The following GNG7 variants were observed in gnomAD, a reference collection of about 807,000 sequenced individuals.
GNG7 encodes the protein guanine nucleotide-binding protein G(I)/G(S)/G(O) subunit gamma-7.
Under a neutral mutation model 4.0 loss-of-function variants are expected in GNG7, and 1 was observed. The ratio of observed to expected loss-of-function variants is 0.25; its 90% CI spans 0.09 to 1.18. The LOEUF is 1.18. GNG7 is among the 50% of genes most tolerant of loss of function. The pLI is 0.50. For synonymous variants in GNG7, 34 were observed against 36.9 expected (o/e 0.92, Z 0.29); for missense variants, 86 against 91.9 (o/e 0.94, Z 0.26).
chr19:2,661,324 G>GAA (rs1983167141), intron 1 of GNG7, among the ~76,000 whole-genome samples: 5 of 139,760 alleles, frequency 3.6e-5, no homozygotes, highest in African/African-American at 8.4e-5. Flanking sequence ...AAGAAAGAAA[G>GAA]AAAGAAAGAA....
At chr19:2,603,538 G>C (rs553210403) in intron 2 of GNG7, among the ~76,000 whole-genome samples, 1 of 152,342 alleles carries the variant, frequency 6.6e-6, no homozygotes, top group South Asian at 2.1e-4. Flanking sequence ...CCATCCCCGA[G>C]GGTTCAGAAA....
chr19:2,600,134 C>T (rs1052560234), intron 2 of GNG7, among the ~76,000 whole-genome samples: 12 of 151,192 alleles, frequency 7.9e-5, no homozygotes, highest in African/African-American at 2.7e-4. Flanking sequence ...GGCCCTTAAA[C>T]AGCTTGTGTT....
chr19:2,568,304 CACAT>C (rs905168434), intron 2 of GNG7, among the ~76,000 whole-genome samples: 2 of 150,674 alleles, frequency 1.3e-5, no homozygotes, highest in East Asian at 2.0e-4. Context: ...CACACGCACA[CACAT>C]ACACACGCAC....
rs1027846006 is a variant in GNG7 at position 2,618,347 on chromosome 19, G to A, written c.-78+27877C>T. Reference sequence around the variant, plus strand: ...TTTTCTACCTGTATGTGTGTGGTGTGTGTGTGTGTGTGTGTGTGTGTGTGT... The same window carrying A: ...TTTTCTACCTGTATGTGTGTGGTGTATGTGTGTGTGTGTGTGTGTGTGTGT... On this transcript the variant is annotated intron_variant, in intron 2 of 4. Coordinates refer to ENST00000382159, the MANE Select transcript of GNG7 (RefSeq NM_052847.3). The surrounding 1 kb of genome is among the most constrained non-coding windows in gnomAD (Gnocchi z 5.1). Among the ~76,000 whole-genome samples the A allele has an allele frequency of 1.5e-4, 21 of 140,084 alleles. No homozygotes were observed. The highest frequency in any genetic ancestry group is 2.7e-4 in the Non-Finnish European group (18 of 67,304). The allele number at this position is 140,084 out of a possible 152,430, so 91.9% of individuals were successfully genotyped here. A position where few individuals can be genotyped will look rare whatever the true frequency, so the allele number is the denominator to read the frequency against.
intron 2 of GNG7, among the ~76,000 whole-genome samples, chr19:2,639,205 G>T (rs1210910199): frequency 6.6e-6 from 1 of 150,876 alleles, no homozygotes; most frequent in East Asian, 1.9e-4. Context: ...CTGCACTCCA[G>T]CCTGGACAAC....
intron 4 of GNG7, among the ~76,000 whole-genome samples, chr19:2,518,457 C>A (rs1978293183): frequency 6.6e-6 from 1 of 152,204 alleles, no homozygotes. Flanking sequence ...AACATTCAGA[C>A]ACCTCGTGGG....
chr19:2,538,039 T>C, intron 3 of GNG7: 1 of 426,996 alleles, frequency 2.3e-6, no homozygotes, highest in Non-Finnish European at 4.7e-6. Context: ...ATTGCGCCAC[T>C]GCCCTCCAGC....
At chr19:2,605,067 C>A (rs559452029) in intron 2 of GNG7, among the ~76,000 whole-genome samples, 6 of 152,290 alleles carry the variant, frequency 3.9e-5, no homozygotes, top group Non-Finnish European at 7.4e-5. Context: ...TCTGGAGGCT[C>A]CAGGGGAGGA....
chr19:2,625,003 G>C (rs1361399259), intron 2 of GNG7, among the ~76,000 whole-genome samples: 1 of 152,228 alleles, frequency 6.6e-6, no homozygotes, highest in African/African-American at 2.4e-5. Context: ...GTGGACGCCT[G>C]TGGTTTACCT....
At chr19:2,639,644 T>C (rs1337266579) in intron 2 of GNG7, among the ~76,000 whole-genome samples, 1 of 8,846 alleles carries the variant, frequency 1.1e-4, no homozygotes, top group African/African-American at 3.8e-3. Flanking sequence ...AACTTAAACC[T>C]CAACCATCCA....
At chr19:2,628,443 C>T (rs1385439547) in intron 2 of GNG7, among the ~76,000 whole-genome samples, 1 of 152,096 alleles carries the variant, frequency 6.6e-6, no homozygotes, top group African/African-American at 2.4e-5. Flanking sequence ...AGGCAGCTCA[C>T]GACATAGCTG....
Position 2,536,947 on chromosome 19 carries a change from TTTTTA to T in GNG7, c.-37-16227_-37-16223del, listed in dbSNP as rs1196692598. Among the ~76,000 whole-genome samples the T allele has an allele frequency of 6.6e-4, 97 of 146,180 alleles. No individual in the cohort carries two copies. The South Asian group carries it at 0.011, about 16-fold the overall frequency. ...ATATACATACATATTTTTATTTTTATTTTTATTTTTTTTTTTTGAGACGGAGTCTC... is the reference window on the plus strand; with the variant it reads ...ATATACATACATATTTTTATTTTTATTTTTTTTTTTTTGAGACGGAGTCTC... On this transcript the variant is annotated intron_variant, in intron 3 of 4. Transcript: ENST00000382159.
At chr19:2,616,399 C>G (rs112081081) in intron 2 of GNG7, among the ~76,000 whole-genome samples, 7,598 of 152,088 alleles carry the variant, frequency 0.05, 274 homozygotes, top group African/African-American at 0.11. Flanking sequence ...CGTGTGCCAC[C>G]GTGCCCAGCT....
chr19:2,596,327 G>C (rs138266815), intron 2 of GNG7, among the ~76,000 whole-genome samples: 3,393 of 151,820 alleles, frequency 0.022, 53 homozygotes, highest in Admixed American at 0.036. Flanking sequence ...CCTCTGCACT[G>C]CAGCCTGGGC....
chr19:2,608,231 G>A lies in GNG7; in HGVS notation c.-78+37993C>T, dbSNP rs181103715. 2.3e-4 allele frequency among the ~76,000 whole-genome samples: 35 copies of A among 152,184 alleles called. No individual in the cohort carries two copies. In the East Asian group the frequency reaches 5.8e-3, roughly 25 times the overall value. ...CGAAGCGTGGGTGGAGGAAAAGAGC[G>A]GGGATGTCTGAGGAGCAGAAAGACC... On this transcript the variant is annotated intron_variant, in intron 2 of 4. Coordinates refer to ENST00000382159, the MANE Select transcript of GNG7 (RefSeq NM_052847.3).
rs900144997 is a variant in GNG7 at position 2,688,248 on chromosome 19, G to A, written c.-135+14398C>T. Among the ~76,000 whole-genome samples, 11 of 152,318 alleles carry A rather than the reference G, an allele frequency of 7.2e-5. No individual in the cohort carries two copies. In the East Asian group the frequency reaches 1.4e-3, roughly 19 times the overall value. On this transcript the variant is annotated intron_variant, in intron 1 of 4. Transcript: ENST00000382159. ...AGCCTGGGCGACAGAGCGAGACTCC[G>A]TCTCAACAAAAGAAAAAAGAAATCA...
rs1981756539 is a variant in GNG7 at position 2,617,652 on chromosome 19, TCC to T, written c.-78+28570_-78+28571del. 6.6e-6 allele frequency among the ~76,000 whole-genome samples: 1 copy of T among 151,936 alleles called. No individual in the cohort carries two copies. Among genetic ancestry groups the T allele is most frequent in the African/African-American group, 2.4e-5 (1 of 41,390 alleles). ...AAGGATGTCCCCTCCTTAGAGACCT[TCC>T]TGGACACCACGTGGCACAGACTCTC... On this transcript the variant is annotated intron_variant, in intron 2 of 4. Transcript: ENST00000382159. The surrounding 1 kb of genome is among the most constrained non-coding windows in gnomAD (Gnocchi z 4.7).
At chr19:2,515,813 T>C (rs1972727660) in intron 4 of GNG7, among the ~76,000 whole-genome samples, 5 of 151,792 alleles carry the variant, frequency 3.3e-5, no homozygotes, top group Admixed American at 3.3e-4. Flanking sequence ...TGGGGAGTGA[T>C]GGCTGATGGG....
rs965906751 is a variant in GNG7 at position 2,626,283 on chromosome 19, A to G, written c.-78+19941T>C. Among the ~76,000 whole-genome samples the G allele has an allele frequency of 3.3e-5, 5 of 152,026 alleles. No homozygotes were observed. Among genetic ancestry groups the G allele is most frequent in the African/African-American group, 9.7e-5 (4 of 41,370 alleles). On this transcript the variant is annotated intron_variant, in intron 2 of 4. Coordinates refer to ENST00000382159, the MANE Select transcript of GNG7 (RefSeq NM_052847.3). This position sits in a 1 kb window ranked among gnomAD's most constrained non-coding sequence, Gnocchi z 5.0. The stretch of plus-strand genomic sequence containing the variant: ...GCCCCAAACCAGCCTGACCAGCGGC[A>G]CCGTGGAAACCCACCGGGATCTCTG...
Sources: gnomAD v4.1 joint callset for allele counts (sites outside exome capture counted in the v4.1 genomes callset) on GRCh38, gnomAD v4.1.1 for gene constraint, Gnocchi (gnomAD v3.1) non-coding constraint, MANE v1.5 for transcripts, NCBI Gene and HGNC (gene_info 2026-07-23, HGNC 2026-07-21) for gene names.